The following CAMK2D variants were observed in gnomAD, a reference collection of about 807,000 sequenced individuals.
CAMK2D encodes calcium/calmodulin dependent protein kinase II delta.
CAMK2D carries 37 observed loss-of-function variants against 84.0 expected under a neutral mutation model. The observed-to-expected ratio is 0.44, with a 90% confidence interval of 0.34 to 0.58. The LOEUF (loss-of-function observed/expected upper bound fraction) is 0.58, where lower values mean the gene tolerates loss of function less well. CAMK2D is among the 20% of genes least tolerant of loss of function. The probability of loss-of-function intolerance (pLI) is 0.02; values close to 1 mark genes in which losing one functional copy is unlikely to be tolerated. For synonymous variants in CAMK2D, 202 were observed against 212.5 expected, an observed-to-expected ratio of 0.95 and a Z score of 0.43; for missense variants, 448 against 652.5, an observed-to-expected ratio of 0.69 and a Z score of 3.41.
intron 8 of CAMK2D, among the ~76,000 whole-genome samples, chr4:113,524,538 C>T (rs1203011011): frequency 2.0e-5 from 3 of 152,176 alleles, no homozygotes; most frequent in African/African-American, 7.2e-5. Flanking sequence ...AGCTATTTAT[C>T]TGTCAATGGA....
At chr4:113,606,658 T>C (rs1012664616) in intron 4 of CAMK2D, among the ~76,000 whole-genome samples, 3 of 151,672 alleles carry the variant, frequency 2.0e-5, no homozygotes, top group Non-Finnish European at 4.4e-5. Flanking sequence ...GATCCAACAC[T>C]CATGTCATCA....
intron 3 of CAMK2D, among the ~76,000 whole-genome samples, chr4:113,645,173 C>G (rs1010228338): frequency 3.3e-5 from 5 of 152,024 alleles, no homozygotes; most frequent in African/African-American, 4.8e-5. Flanking sequence ...CCCGCCACCA[C>G]GCCCAGCTAA....
At chr4:113,727,774 C>T (rs530446376) in intron 2 of CAMK2D, among the ~76,000 whole-genome samples, 12 of 152,128 alleles carry the variant, frequency 7.9e-5, no homozygotes, top group South Asian at 6.2e-4. Context: ...ATATCTGACA[C>T]GAATTTGTAT....
intron 6 of CAMK2D, among the ~76,000 whole-genome samples, chr4:113,544,251 T>C (rs2098551891): frequency 6.6e-6 from 1 of 152,200 alleles, no homozygotes; most frequent in Non-Finnish European, 1.5e-5. Context: ...TTATTCCCAA[T>C]GACACAGATT....
At chr4:113,684,214 A>T (rs77524995) in intron 2 of CAMK2D, among the ~76,000 whole-genome samples, 7,236 of 152,302 alleles carry the variant, frequency 0.048, 259 homozygotes, top group African/African-American at 0.095. Context: ...GCTAATGAAA[A>T]TTGTATCTGT....
rs537928562 is a variant in CAMK2D, at chr4:113,622,997, T to C, written c.221-13791A>G. Among the ~76,000 whole-genome samples the C allele has an allele frequency of 4.6e-5, 7 of 152,254 alleles. No individual in the cohort carries two copies. The East Asian group carries it at 9.6e-4, about 21-fold the overall frequency. ...TAGGAGAGTGTTTTTATATAGTCCA[T>C]GAGCATAAGGATACGTAACAGAGAA... On this transcript the variant is annotated intron_variant, in intron 3 of 20. Coordinates refer to ENST00000511664, the MANE Select transcript of CAMK2D (RefSeq NM_001321571.2).
chr4:113,703,188 A>C (rs151067332), intron 2 of CAMK2D, among the ~76,000 whole-genome samples: 2 of 152,330 alleles, frequency 1.3e-5, no homozygotes, highest in East Asian at 3.9e-4. Flanking sequence ...AATAGGATTG[A>C]ATTTTCACCC....
intron 4 of CAMK2D, among the ~76,000 whole-genome samples, chr4:113,555,967 A>G (rs2098661806): frequency 6.6e-6 from 1 of 152,124 alleles, no homozygotes; most frequent in East Asian, 1.9e-4. Flanking sequence ...GTAGCCTGCA[A>G]TCCAGGAAAG....
chr4:113,577,300 T>C (rs1188848364), intron 4 of CAMK2D, among the ~76,000 whole-genome samples: 1 of 151,760 alleles, frequency 6.6e-6, no homozygotes, highest in African/African-American at 2.4e-5. Flanking sequence ...TCTTTCGATA[T>C]ACAGATTCAA....
chr4:113,493,884 T>G (rs999693361), intron 16 of CAMK2D, among the ~76,000 whole-genome samples: 2 of 152,186 alleles, frequency 1.3e-5, no homozygotes, highest in African/African-American at 4.8e-5. Flanking sequence ...TTGCTTCATT[T>G]CATTCATTTC....
chr4:113,724,883 T>C (rs961892879), intron 2 of CAMK2D, among the ~76,000 whole-genome samples: 9 of 151,990 alleles, frequency 5.9e-5, no homozygotes, highest in Non-Finnish European at 1.3e-4. Flanking sequence ...TATTCTCCTA[T>C]AATTTTTTGT....
chr4:113,498,696 T>C (rs560175307), intron 16 of CAMK2D, among the ~76,000 whole-genome samples: 1 of 152,278 alleles, frequency 6.6e-6, no homozygotes, highest in South Asian at 2.1e-4. Context: ...ACCCATATCA[T>C]TGTTATGATT....
At chr4:113,690,256 T>C (rs2099383258) in intron 2 of CAMK2D, among the ~76,000 whole-genome samples, 1 of 152,180 alleles carries the variant, frequency 6.6e-6, no homozygotes, top group South Asian at 2.1e-4. Flanking sequence ...TTCATACTAC[T>C]GAAGATGTTG....
At chr4:113,633,111 C>T (rs970786759) in intron 3 of CAMK2D, among the ~76,000 whole-genome samples, 8 of 152,080 alleles carry the variant, frequency 5.3e-5, no homozygotes, top group South Asian at 2.1e-4. Flanking sequence ...TAAATCAATA[C>T]GAGGAAACTA....
chr4:113,524,548 A>G (rs993528144), intron 8 of CAMK2D, among the ~76,000 whole-genome samples: 12 of 152,312 alleles, frequency 7.9e-5, no homozygotes, highest in African/African-American at 2.9e-4. Flanking sequence ...CTGTCAATGG[A>G]CATTTGGGTT....
intron 2 of CAMK2D, among the ~76,000 whole-genome samples, chr4:113,701,173 C>A (rs901504271): frequency 6.6e-6 from 1 of 152,234 alleles, no homozygotes; most frequent in Admixed American, 6.5e-5. Flanking sequence ...AAGCTTTCTG[C>A]TGTCCCCAGG....
chr4:113,654,070 C>T (rs1399462755), intron 3 of CAMK2D, among the ~76,000 whole-genome samples: 1 of 151,932 alleles, frequency 6.6e-6, no homozygotes, highest in Non-Finnish European at 1.5e-5. Context: ...TCCAAAGTCA[C>T]CAAAAAGAAG....
Position 113,738,452 on chromosome 4 carries a change from T to C in CAMK2D, c.160+20868A>G, listed in dbSNP as rs1270335440. Among the ~76,000 whole-genome samples the C allele has an allele frequency of 2.6e-5, 4 of 152,096 alleles. 1 individual carries two copies. Among genetic ancestry groups the C allele is most frequent in the Non-Finnish European group, 5.9e-5 (4 of 67,990 alleles). The stretch of plus-strand genomic sequence containing the variant: ...AAGAATGTGTGGGAAAGTTAAGCAG[T>C]CTCATGTTTCCAGTAGACTTACCAA... On this transcript the variant is annotated intron_variant, in intron 2 of 20. Transcript: ENST00000511664.
intron 2 of CAMK2D, among the ~76,000 whole-genome samples, chr4:113,694,630 C>T (rs2099397473): frequency 6.6e-6 from 1 of 152,042 alleles, no homozygotes; most frequent in African/African-American, 2.4e-5. Flanking sequence ...GGGGCAGATC[C>T]CCTTTGCTGT....
Sources: gnomAD v4.1 joint callset for allele counts (sites outside exome capture counted in the v4.1 genomes callset) on GRCh38, gnomAD v4.1.1 for gene constraint, MANE v1.5 for transcripts, NCBI Gene and HGNC (gene_info 2026-07-23, HGNC 2026-07-21) for gene names.